The following MGRN1 variants were observed in gnomAD, a reference collection of about 807,000 sequenced individuals.
MGRN1 encodes E3 ubiquitin-protein ligase MGRN1.
In MGRN1, 29 loss-of-function variants were observed where a neutral mutation model predicts 69.2. That is an observed-to-expected ratio of 0.42 (90% CI 0.31 to 0.57). MGRN1 has a LOEUF of 0.57. MGRN1 is among the 20% of genes least tolerant of loss of function. The pLI is 0.15. For missense variants in MGRN1, 998 were observed against 796.2 expected, an observed-to-expected ratio of 1.25 and a Z score of -3.05; for synonymous variants, 470 against 344.2, an observed-to-expected ratio of 1.37 and a Z score of -4.04.
chr16:4,628,404 G>T (rs1297715447), intron 1 of MGRN1, among the ~76,000 whole-genome samples: 3 of 145,742 alleles, frequency 2.1e-5, no homozygotes, highest in Non-Finnish European at 4.5e-5. Context: ...AAAAAAAAAA[G>T]GAGGGGACAT....
At chr16:4,642,945 C>A (rs913059806) in intron 1 of MGRN1, among the ~76,000 whole-genome samples, 3 of 149,338 alleles carry the variant, frequency 2.0e-5, no homozygotes, top group African/African-American at 7.6e-5. Flanking sequence ...CATCACCGTG[C>A]TAGCTAATTT....
At position 4,673,857 on chromosome 16, in the gene MGRN1, G is replaced by C. The variant is rs148612320; in HGVS notation, c.955+200G>C. 5.3e-5 allele frequency among the ~76,000 whole-genome samples: 8 copies of C among 152,324 alleles called. No homozygotes were observed. The East Asian group carries it at 1.5e-3, about 29-fold the overall frequency. On this transcript the variant is annotated intron_variant, in intron 10 of 16. Coordinates refer to ENST00000262370, the MANE Select transcript of MGRN1 (RefSeq NM_015246.4). ...AGAGAGCTGGCAGGGACGCTAGCAC[G>C]GGGCATTCAGATCTTCACGTCTGCC...
At position 4,678,945 on chromosome 16, in the gene MGRN1, T is replaced by G. The variant is rs79078616; in HGVS notation, c.1066-1087T>G. 3.6e-3 allele frequency among the ~76,000 whole-genome samples: 551 copies of G among 152,348 alleles called. 5 individuals carry two copies. The highest frequency in any genetic ancestry group is 0.013 in the African/African-American group (520 of 41,578). ...AATGTTTCTGAAATGGGGTCAATGT[T>G]TAAAAGTCTGGAATTTCCCTTAAAA... On this transcript the variant is annotated intron_variant, in intron 11 of 16. Coordinates refer to ENST00000262370, the MANE Select transcript of MGRN1 (RefSeq NM_015246.4).
chr16:4,630,567 CCTA>C (rs1365193743), intron 1 of MGRN1, among the ~76,000 whole-genome samples: 1 of 151,642 alleles, frequency 6.6e-6, no homozygotes, highest in Admixed American at 6.6e-5. Context: ...TCTACCTCAG[CCTA>C]CTGAGTAGCT....
chr16:4,641,515 C>CTTTTT (rs542014508), intron 1 of MGRN1, among the ~76,000 whole-genome samples: 2 of 135,416 alleles, frequency 1.5e-5, no homozygotes, highest in African/African-American at 5.5e-5. Context: ...TGCCTGGCTA[C>CTTTTT]TTTTTTTTTT....
chr16:4,651,264 C>CTGTT (rs57644545), intron 2 of MGRN1, among the ~76,000 whole-genome samples: 6,402 of 152,260 alleles, frequency 0.042, 455 homozygotes, highest in African/African-American at 0.15. Flanking sequence ...TGTGAGCTGT[C>CTGTT]TGTTCAGCAC....
Position 4,652,012 on chromosome 16 carries a change from G to A in MGRN1, c.257G>A (p.Ser86Asn). The A allele has an allele frequency of 6.2e-7, 1 of 1,614,100 alleles. No homozygotes were observed. Among genetic ancestry groups the A allele is most frequent in the Non-Finnish European group, 8.5e-7 (1 of 1,179,964 alleles). ...CACGAGCCCGTGAAGACGCTGCGGA[G>A]CCTGGTGAACATCCGCAAAGACTCC... is the stretch of plus-strand genomic sequence containing the variant. ...APHEPVKTLR[S>N]LVNIRKDSLR... The change falls in exon 3 of 17, where the codon AGC becomes AAC. Residue 86 changes from serine (S) to asparagine (N), a missense_variant. By Grantham distance (46) the Ser-to-Asn change is conservative. Transcript: ENST00000262370.
intron 16 of MGRN1, among the ~76,000 whole-genome samples, chr16:4,685,213 G>A (rs962459390): frequency 3.3e-5 from 5 of 152,130 alleles, no homozygotes; most frequent in African/African-American, 1.2e-4. Context: ...CTTGGGGGGT[G>A]ATCGGGGAAG....
At chr16:4,672,055 G>A (rs183083049) in intron 9 of MGRN1, among the ~76,000 whole-genome samples, 11 of 152,176 alleles carry the variant, frequency 7.2e-5, no homozygotes, top group South Asian at 2.1e-4. Context: ...ACAGGCACGC[G>A]CCACCACACC....
In MGRN1 at chr16:4,689,897, C is replaced by T. The variant is rs2079417992; in HGVS notation, c.*989C>T. The T allele has an allele frequency of 6.6e-6, 1 of 152,038 alleles. No homozygotes were observed. Among genetic ancestry groups the T allele is most frequent in the African/African-American group, 2.4e-5 (1 of 41,370 alleles). 9.4% of individuals were successfully genotyped at this position (152,038 alleles called of 1,614,324 possible). ...CGTCCTGCCTTAGGCTCCTGAGTAG[C>T]TGGGGATTACAGGTGCCTACCAGCA... On this transcript the variant is annotated 3_prime_UTR_variant, in exon 17 of 17. Coordinates refer to ENST00000262370, the MANE Select transcript of MGRN1 (RefSeq NM_015246.4).
At chr16:4,671,536 C>A in intron 9 of MGRN1, 77 bp downstream of exon 9, 1 of 1,393,048 alleles carries the variant, frequency 7.2e-7, no homozygotes, top group Non-Finnish European at 1.0e-6. Flanking sequence ...CAATGCTTGC[C>A]GGTTCCCTTC....
intron 1 of MGRN1, among the ~76,000 whole-genome samples, chr16:4,647,417 A>G (rs1178559059): frequency 6.6e-6 from 1 of 152,226 alleles, no homozygotes; most frequent in African/African-American, 2.4e-5. Flanking sequence ...TTCAAGGCCC[A>G]GGTAATCAGG....
intron 1 of MGRN1, chr16:4,634,474 T>C (rs1415478601): frequency 6.6e-6 from 1 of 152,436 alleles, no homozygotes; most frequent in African/African-American, 2.4e-5. Context: ...TCTCTAGCTT[T>C]GCGCTTTGGG....
intron 1 of MGRN1, among the ~76,000 whole-genome samples, chr16:4,644,330 G>C (rs1227503257): frequency 8.5e-6 from 1 of 117,110 alleles, no homozygotes; most frequent in Non-Finnish European, 1.7e-5. Flanking sequence ...TTTTTTTGAT[G>C]GAGTTTCACT....
At position 4,683,853 on chromosome 16, in the gene MGRN1, A is replaced by C; in HGVS notation, c.1539A>C (p.Ala513=). 1 of 1,607,698 alleles carries C rather than the reference A, an allele frequency of 6.2e-7. No individual in the cohort carries two copies. The highest frequency in any genetic ancestry group is 8.5e-7 in the Non-Finnish European group (1 of 1,176,468). The change falls in exon 16 of 17, where the codon GCA becomes GCC. Residue 513 remains alanine (A), a synonymous_variant. Coordinates refer to ENST00000262370, the MANE Select transcript of MGRN1 (RefSeq NM_015246.4). ...ESSSPQQGTR[A]ASIENVLQDS... Reference sequence around the variant, plus strand: ...ACCCTCTGCCTGCAGGGACCCGAGCAGCTTCCATTGAGAATGTCCTGCAGG... The same window carrying C: ...ACCCTCTGCCTGCAGGGACCCGAGCCGCTTCCATTGAGAATGTCCTGCAGG...
chr16:4,657,997 C>A (rs2078590505), intron 5 of MGRN1, among the ~76,000 whole-genome samples: 1 of 151,334 alleles, frequency 6.6e-6, no homozygotes, highest in Non-Finnish European at 1.5e-5. Flanking sequence ...CGGCCTCGGC[C>A]TCCCAAAGTG....
chr16:4,650,643 C>T (rs113321525), intron 2 of MGRN1, 160 bp downstream of exon 2: 2 of 572,910 alleles, frequency 3.5e-6, no homozygotes, highest in South Asian at 2.6e-5. Context: ...TGGGCACGTG[C>T]CCTGGAATGG....
chr16:4,647,004 C>T lies in MGRN1; in HGVS notation c.89-3361C>T, dbSNP rs185179404. On this transcript the variant is annotated intron_variant, in intron 1 of 16. Transcript: ENST00000262370. ...TCTGGACCCCACCTCAGTACGTCAG[C>T]GCTGGGGAGAGCCTGGAAGGGTGGG... Among the ~76,000 whole-genome samples the T allele has an allele frequency of 1.1e-3, 164 of 152,322 alleles. 1 individual carries two copies. The highest frequency in any genetic ancestry group is 3.8e-3 in the African/African-American group (156 of 41,580).
At chr16:4,687,006 C>G (rs139639429) in intron 16 of MGRN1, 1 of 985,628 alleles carries the variant, frequency 1.0e-6, no homozygotes, top group African/African-American at 1.7e-5. Context: ...CACACAGCCA[C>G]CTGCTCCCCC....
Sources: gnomAD v4.1 joint callset for allele counts (sites outside exome capture counted in the v4.1 genomes callset) on GRCh38, gnomAD v4.1.1 for gene constraint, MANE v1.5 for transcripts, NCBI Gene and HGNC (gene_info 2026-07-23, HGNC 2026-07-21) for gene names.